The following LRRC4C variants were observed in gnomAD, a reference collection of about 807,000 sequenced individuals.
LRRC4C encodes leucine rich repeat containing 4C.
In LRRC4C, 5 loss-of-function variants were observed where a neutral mutation model predicts 33.6. That is an observed-to-expected ratio of 0.15 (90% CI 0.08 to 0.31). The LOEUF (loss-of-function observed/expected upper bound fraction) is 0.31. LRRC4C is among the 10% of genes least tolerant of loss of function. The pLI is 1.00. For missense variants in LRRC4C, 560 were observed against 796.7 expected, an observed-to-expected ratio of 0.70 and a Z score of 3.58; for synonymous variants, 329 against 302.0, an observed-to-expected ratio of 1.09 and a Z score of -0.93.
chr11:40,169,641 A>G (rs2135421182), intron 5 of LRRC4C, among the ~76,000 whole-genome samples: 1 of 152,322 alleles, frequency 6.6e-6, no homozygotes, highest in Admixed American at 6.5e-5. Context: ...GGGAAAGACA[A>G]GGCACATGCC....
intron 1 of LRRC4C, among the ~76,000 whole-genome samples, chr11:41,366,237 GATA>G (rs1208548583): frequency 1.4e-5 from 2 of 142,878 alleles, no homozygotes; most frequent in Non-Finnish European, 3.0e-5. Context: ...TAGATAGATA[GATA>G]GATAGGTAGA....
chr11:40,368,524 A>G (rs1019902534), intron 3 of LRRC4C, among the ~76,000 whole-genome samples: 1 of 152,170 alleles, frequency 6.6e-6, no homozygotes, highest in African/African-American at 2.4e-5. Flanking sequence ...TACGTTTTAT[A>G]TGACAAACAG....
chr11:40,377,630 G>T (rs1330249848), intron 3 of LRRC4C, among the ~76,000 whole-genome samples: 1 of 151,918 alleles, frequency 6.6e-6, no homozygotes, highest in Non-Finnish European at 1.5e-5. Context: ...TCTGCATTGA[G>T]GTAGCCTACA....
At chr11:41,080,026 G>A (rs1182311868) in intron 1 of LRRC4C, among the ~76,000 whole-genome samples, 2 of 152,096 alleles carry the variant, frequency 1.3e-5, no homozygotes, top group Non-Finnish European at 2.9e-5. Flanking sequence ...GACACATAAT[G>A]GGAGTCATGG....
intron 3 of LRRC4C, among the ~76,000 whole-genome samples, chr11:40,349,950 C>T (rs1947311475): frequency 6.6e-6 from 1 of 151,928 alleles, no homozygotes; most frequent in Non-Finnish European, 1.5e-5. Context: ...AAGATTTTTT[C>T]CTATTGAGTT....
At chr11:40,922,428 T>C (rs1389904788) in intron 2 of LRRC4C, among the ~76,000 whole-genome samples, 2 of 152,206 alleles carry the variant, frequency 1.3e-5, no homozygotes, top group African/African-American at 2.4e-5. Context: ...ACGTTTATTG[T>C]AGAGGAAAAA....
intron 1 of LRRC4C, among the ~76,000 whole-genome samples, chr11:41,171,629 A>AT (rs576365999): frequency 1.8e-3 from 277 of 152,030 alleles, no homozygotes; most frequent in South Asian, 7.7e-3. Context: ...GAGGGATAGC[A>AT]TTAGGAGATA....
At chr11:41,301,676 A>C (rs1387658090) in intron 1 of LRRC4C, among the ~76,000 whole-genome samples, 2 of 152,178 alleles carry the variant, frequency 1.3e-5, no homozygotes, top group Non-Finnish European at 2.9e-5. Context: ...TTTTCTTATA[A>C]TTCCATCTTT....
In LRRC4C at chr11:41,324,711, A is replaced by G. The variant is rs146050921; in HGVS notation, c.-496+134720T>C. ...TACTGTTGATGAGATGAAGAGACTC[A>G]GAGGCAGATATTTCATCAATTTTGT... On this transcript the variant is annotated intron_variant, in intron 1 of 6. Transcript: ENST00000528697. Among the ~76,000 whole-genome samples, 1,340 of 152,280 alleles carry G rather than the reference A, an allele frequency of 8.8e-3. 19 individuals carry two copies. The highest frequency in any genetic ancestry group is 0.031 in the African/African-American group (1,272 of 41,542).
intron 1 of LRRC4C, among the ~76,000 whole-genome samples, chr11:41,253,054 T>C (rs1229078028): frequency 6.6e-6 from 1 of 152,042 alleles, no homozygotes; most frequent in Non-Finnish European, 1.5e-5. Context: ...TGAGTAAGAG[T>C]CAAGACGATC....
intron 2 of LRRC4C, among the ~76,000 whole-genome samples, chr11:40,732,558 G>T (rs1256519404): frequency 6.6e-6 from 1 of 152,148 alleles, no homozygotes; most frequent in Non-Finnish European, 1.5e-5. Context: ...TCCCTAGAAG[G>T]CATGCTAGAA....
intron 1 of LRRC4C, among the ~76,000 whole-genome samples, chr11:41,108,025 C>T (rs907475071): frequency 6.6e-6 from 1 of 151,712 alleles, no homozygotes; most frequent in Non-Finnish European, 1.5e-5. Context: ...GGAGAGTGCT[C>T]TCTAAACCAA....
intron 1 of LRRC4C, among the ~76,000 whole-genome samples, chr11:41,246,183 G>T (rs955545440): frequency 2.0e-5 from 3 of 152,102 alleles, no homozygotes; most frequent in African/African-American, 7.2e-5. Flanking sequence ...GGGGGTGCCT[G>T]CAGTCCCTTG....
At chr11:40,839,865 C>G (rs190119780) in intron 2 of LRRC4C, among the ~76,000 whole-genome samples, 5 of 152,256 alleles carry the variant, frequency 3.3e-5, no homozygotes. Context: ...AAAATAATTT[C>G]AATCCAGAAT....
chr11:40,493,665 G>C (rs563904613), intron 3 of LRRC4C, among the ~76,000 whole-genome samples: 1 of 152,226 alleles, frequency 6.6e-6, no homozygotes, highest in East Asian at 1.9e-4. Context: ...AAAACAAATA[G>C]TAACAACTAT....
In LRRC4C at chr11:40,493,405, AC is replaced by A. The variant is rs1358816527; in HGVS notation, c.-270+154736del. 7.2e-5 allele frequency among the ~76,000 whole-genome samples: 11 copies of A among 152,208 alleles called. No homozygotes were observed. In the East Asian group the frequency reaches 1.7e-3, roughly 24 times the overall value. On this transcript the variant is annotated intron_variant, in intron 3 of 6. Coordinates refer to ENST00000528697, the MANE Select transcript of LRRC4C (RefSeq NM_001258419.2). ...TTTGATTCCATTTCTGATATTTGCA[AC>A]CAAGAAAGTCCTAACACAACAATCA...
chr11:40,691,699 T>G (rs1419196091), intron 2 of LRRC4C, among the ~76,000 whole-genome samples: 2 of 152,114 alleles, frequency 1.3e-5, no homozygotes, highest in Non-Finnish European at 2.9e-5. Context: ...TGAAGAAGAA[T>G]AAAGCATTTT....
chr11:40,485,584 C>T (rs920739292), intron 3 of LRRC4C, among the ~76,000 whole-genome samples: 1 of 151,806 alleles, frequency 6.6e-6, no homozygotes, highest in African/African-American at 2.4e-5. Flanking sequence ...AAAGAATCAC[C>T]CCACAAAACT....
At chr11:40,265,653 G>C (rs1189419815) in intron 4 of LRRC4C, among the ~76,000 whole-genome samples, 1 of 152,138 alleles carries the variant, frequency 6.6e-6, no homozygotes, top group African/African-American at 2.4e-5. Context: ...TGGCACTAAT[G>C]CATTGTCAGG....
Sources: gnomAD v4.1 joint callset for allele counts (sites outside exome capture counted in the v4.1 genomes callset) on GRCh38, gnomAD v4.1.1 for gene constraint, MANE v1.5 for transcripts, NCBI Gene and HGNC (gene_info 2026-07-23, HGNC 2026-07-21) for gene names.